Variants in CCNY observed in about 807,000 individuals in gnomAD.
The protein encoded by CCNY is cyclin Y.
Under a neutral mutation model 42.8 loss-of-function variants are expected in CCNY, and 19 were observed. That is an observed-to-expected ratio of 0.44 (90% CI 0.31 to 0.65). CCNY has a LOEUF of 0.65. Ranked by LOEUF, CCNY falls within the 30% of genes least tolerant of loss-of-function variation. The probability of loss-of-function intolerance (pLI) is 0.07; values close to 1 mark genes in which losing one functional copy is unlikely to be tolerated. For synonymous variants in CCNY, 165 were observed against 162.7 expected (o/e 1.01, Z -0.11); for missense variants, 370 against 437.3 (o/e 0.85, Z 1.37).
At chr10:35,412,780 G>C (rs1466611233) in intron 1 of CCNY, among the ~76,000 whole-genome samples, 1 of 140,558 alleles carries the variant, frequency 7.1e-6, no homozygotes, top group Admixed American at 7.9e-5. Flanking sequence ...AGAATTGCTC[G>C]AACCCAGGAG....
chr10:35,426,709 C>T (rs1289380245), intron 1 of CCNY, among the ~76,000 whole-genome samples: 1 of 152,190 alleles, frequency 6.6e-6, no homozygotes, highest in Non-Finnish European at 1.5e-5. Context: ...ATCTATATTC[C>T]TGAGACCCTT....
chr10:35,417,819 A>T (rs552165980), intron 1 of CCNY, among the ~76,000 whole-genome samples: 8 of 152,332 alleles, frequency 5.3e-5, no homozygotes, highest in Admixed American at 6.5e-5. Flanking sequence ...AGGGGTCTCT[A>T]ATCCTGTCTC....
intron 1 of CCNY, among the ~76,000 whole-genome samples, chr10:35,367,523 C>G (rs1334399923): frequency 6.6e-6 from 1 of 152,258 alleles, no homozygotes; most frequent in Non-Finnish European, 1.5e-5. Flanking sequence ...TAACATGGGT[C>G]TACATCTCAT....
intron 2 of CCNY, among the ~76,000 whole-genome samples, chr10:35,484,225 A>G (rs763706161): frequency 3.9e-5 from 6 of 152,236 alleles, no homozygotes; most frequent in African/African-American, 1.4e-4. Flanking sequence ...GTCCTACATG[A>G]TTCTATCCCT....
chr10:35,525,874 T>C, intron 4 of CCNY, 90 bp from the exon 5 acceptor site: 1 of 1,128,840 alleles, frequency 8.9e-7, no homozygotes, highest in South Asian at 1.4e-5. Flanking sequence ...TTACTTCTGT[T>C]TAAATATTTA....
chr10:35,419,772 ATG>A (rs148280363), intron 1 of CCNY, among the ~76,000 whole-genome samples: 4 of 151,388 alleles, frequency 2.6e-5, no homozygotes, highest in South Asian at 2.1e-4. Flanking sequence ...GTGTGCATTT[ATG>A]TGTGTGTGTG....
chr10:35,317,630 C>A (rs1835775516), intron 3 of CCNY, among the ~76,000 whole-genome samples: 1 of 152,182 alleles, frequency 6.6e-6, no homozygotes. Flanking sequence ...CATCTCTGAG[C>A]ATGGAAGAGA....
At chr10:35,269,027 C>A (rs183022220) in intron 3 of CCNY, among the ~76,000 whole-genome samples, 35 of 152,294 alleles carry the variant, frequency 2.3e-4, no homozygotes, top group African/African-American at 7.7e-4. Flanking sequence ...TCCTTCTATG[C>A]GTACTTATCT....
chr10:35,269,122 T>C (rs1484267723), intron 3 of CCNY, among the ~76,000 whole-genome samples: 3 of 152,166 alleles, frequency 2.0e-5, no homozygotes, highest in African/African-American at 7.2e-5. Flanking sequence ...AGGCTGAAAA[T>C]TTTCCACATT....
chr10:35,505,192 T>C (rs776683180), intron 3 of CCNY, among the ~76,000 whole-genome samples: 2 of 151,982 alleles, frequency 1.3e-5, no homozygotes, highest in Non-Finnish European at 2.9e-5. Context: ...GTATGCTTTT[T>C]ACCTTAGCCT....
intron 1 of CCNY, among the ~76,000 whole-genome samples, chr10:35,431,579 C>G (rs1402743913): frequency 6.6e-6 from 1 of 151,682 alleles, no homozygotes; most frequent in Admixed American, 6.6e-5. Context: ...TCTGTCTGAT[C>G]TGTCCGTCAA....
chr10:35,353,664 G>C (rs1458854654), intron 1 of CCNY, among the ~76,000 whole-genome samples: 2 of 152,212 alleles, frequency 1.3e-5, no homozygotes, highest in East Asian at 3.8e-4. Context: ...ACTGGGGTCA[G>C]ATCCTTTCAC....
chr10:35,382,458 G>C lies in CCNY; in HGVS notation c.154+45251G>C, dbSNP rs1190224214. On this transcript the variant is annotated intron_variant, in intron 1 of 9. Coordinates refer to ENST00000374704, the MANE Select transcript of CCNY (RefSeq NM_145012.6). ...ACCTCAGCCAGAACCCTGGCTTCTT[G>C]ACTCTCATCTCCAGCATCACTTAGA... is the stretch of plus-strand genomic sequence containing the variant. 4.6e-5 allele frequency among the ~76,000 whole-genome samples: 7 copies of C among 152,332 alleles called. No homozygotes were observed. The East Asian group carries it at 1.4e-3, about 29-fold the overall frequency.
chr10:35,531,203 A>T (rs1396786180), intron 7 of CCNY, among the ~76,000 whole-genome samples: 1 of 152,252 alleles, frequency 6.6e-6, no homozygotes, highest in Non-Finnish European at 1.5e-5. Context: ...TTAGATGAGA[A>T]ATTAGCTTTG....
intron 3 of CCNY, among the ~76,000 whole-genome samples, chr10:35,285,153 A>T (rs895029604): frequency 1.3e-4 from 19 of 151,862 alleles, no homozygotes; most frequent in African/African-American, 1.7e-4. Context: ...GTAGCTGGGG[A>T]CTACAGGTGC....
intron 3 of CCNY, among the ~76,000 whole-genome samples, chr10:35,324,519 T>TG (rs1193104589): frequency 1.3e-5 from 2 of 152,238 alleles, no homozygotes; most frequent in African/African-American, 4.8e-5. Context: ...AATACGTAGG[T>TG]ATCTACTGTG....
At chr10:35,325,572 A>C (rs1029855848) in intron 3 of CCNY, among the ~76,000 whole-genome samples, 1 of 151,050 alleles carries the variant, frequency 6.6e-6, no homozygotes, top group South Asian at 2.1e-4. Flanking sequence ...CTCTGCCTAC[A>C]GGGTTCAAGC....
At chr10:35,385,876 G>A (rs1027015888) in intron 1 of CCNY, among the ~76,000 whole-genome samples, 2 of 152,210 alleles carry the variant, frequency 1.3e-5, no homozygotes, top group Non-Finnish European at 2.9e-5. Flanking sequence ...GAAAAGGTCA[G>A]CATCATCTTA....
At chr10:35,460,358 C>A (rs1839130922) in intron 1 of CCNY, among the ~76,000 whole-genome samples, 1 of 151,996 alleles carries the variant, frequency 6.6e-6, no homozygotes, top group Non-Finnish European at 1.5e-5. Flanking sequence ...TGTCATCATA[C>A]CTAGGAAGAA....
Sources: allele counts gnomAD v4.1 joint callset (sites outside exome capture counted in the v4.1 genomes callset), GRCh38; gene constraint gnomAD v4.1.1; transcripts MANE v1.5; gene names NCBI Gene and HGNC (gene_info 2026-07-23, HGNC 2026-07-21).